Variants in ACCSL observed in about 807,000 individuals in gnomAD.
ACCSL encodes 1-aminocyclopropane-1-carboxylate synthase homolog (inactive) like.
Under a neutral mutation model 61.7 loss-of-function variants are expected in ACCSL, and 55 were observed. The ratio of observed to expected loss-of-function variants is 0.89; its 90% CI spans 0.72 to 1.12. The LOEUF is 1.12. Ranked by LOEUF, ACCSL falls within the 50% of genes most tolerant of loss-of-function variation. ACCSL has a pLI of 0.00. For synonymous variants in ACCSL, 258 were observed against 264.3 expected (o/e 0.98, Z 0.23); for missense variants, 632 against 698.0 (o/e 0.91, Z 1.07).
At chr11:43,961,733 C>G in the ACCSL span, among the ~76,000 whole-genome samples, 6 of 151,036 alleles carry the variant, frequency 4.0e-5, no homozygotes, top group African/African-American at 9.7e-5. Flanking sequence ...TTCTCTCTCT[C>G]TCTCCTCTCT....
At chr11:44,026,326 T>A in the ACCSL span, among the ~76,000 whole-genome samples, 1 of 152,208 alleles carries the variant, frequency 6.6e-6, no homozygotes, top group Non-Finnish European at 1.5e-5. Context: ...TCTAATACAC[T>A]GTTCAGTTCA....
chr11:43,988,267 C>A, the ACCSL span, among the ~76,000 whole-genome samples: 2 of 152,308 alleles, frequency 1.3e-5, no homozygotes, highest in South Asian at 4.1e-4. Flanking sequence ...AGTGCCCACA[C>A]CACTCTCCCT....
intron 6 of ACCSL, 111 bp from the exon 7 acceptor site, chr11:44,052,880 G>T: frequency 7.0e-7 from 1 of 1,434,016 alleles, no homozygotes; most frequent in Admixed American, 1.7e-5. Flanking sequence ...GGTGGAGAAG[G>T]CATGTGGACT....
the ACCSL span, among the ~76,000 whole-genome samples, chr11:44,016,142 G>GAT: frequency 6.6e-6 from 1 of 152,070 alleles, no homozygotes; most frequent in Non-Finnish European, 1.5e-5. Flanking sequence ...TTTGTGCCTT[G>GAT]ATAAAGCCAG....
At position 44,052,724 on chromosome 11, in the gene ACCSL, A is replaced by G. The variant is rs1450274313; in HGVS notation, c.835A>G (p.Lys279Glu). 3 of 1,614,044 alleles carry G rather than the reference A, an allele frequency of 1.9e-6. No individual in the cohort carries two copies. The highest frequency in any genetic ancestry group is 3.3e-5 in the Admixed American group (2 of 60,004). The change falls in exon 6 of 14, where the codon AAG (lysine) becomes GAG (glutamate). Residue 279 changes from lysine (K) to glutamate (E), a missense_variant. Physicochemically the swap from Lys to Glu is moderately conservative, Grantham distance 56. Transcript: ENST00000378832. ...TGCCTTTAGCTCCCGCCTGTATGCA[A>G]AGGTTGAGTTGATTCCTGTCCACCT... ...GFAFSSRLYA[K>E]VELIPVHLES...
the ACCSL span, among the ~76,000 whole-genome samples, chr11:43,981,330 A>G: frequency 1.3e-5 from 2 of 152,108 alleles, no homozygotes; most frequent in Admixed American, 1.3e-4. Context: ...ACTTCCCTGG[A>G]CACTGGGGCT....
chr11:43,921,688 C>T, the ACCSL span, among the ~76,000 whole-genome samples: 1 of 152,178 alleles, frequency 6.6e-6, no homozygotes, highest in African/African-American at 2.4e-5. Context: ...ATGATCTCCC[C>T]GTGTGGCAGC....
intron 11 of ACCSL, among the ~76,000 whole-genome samples, chr11:44,057,597 G>A (rs74413000): frequency 0.1 from 15,488 of 152,264 alleles, 907 homozygotes; most frequent in Middle Eastern, 0.14. Flanking sequence ...AATGCAGAGG[G>A]CAACTGGCCA....
At chr11:44,027,271 G>A in the ACCSL span, among the ~76,000 whole-genome samples, 8 of 152,226 alleles carry the variant, frequency 5.3e-5, no homozygotes, top group Non-Finnish European at 1.2e-4. Context: ...AGCCAGAGGA[G>A]AGAGATGTGG....
At chr11:44,050,260 C>T (rs896412584) in intron 2 of ACCSL, 139 bp downstream of exon 2, 6 of 760,678 alleles carry the variant, frequency 7.9e-6, no homozygotes, top group East Asian at 5.1e-5. Context: ...TAGAATAGCA[C>T]ATTTAACCTC....
At chr11:43,936,886 C>A in the ACCSL span, among the ~76,000 whole-genome samples, 14 of 152,222 alleles carry the variant, frequency 9.2e-5, no homozygotes, top group South Asian at 1.0e-3. Context: ...CCCCACCCCC[C>A]CCTCCTGCCC....
At chr11:44,005,067 C>T in the ACCSL span, among the ~76,000 whole-genome samples, 1 of 146,484 alleles carries the variant, frequency 6.8e-6, no homozygotes, top group Non-Finnish European at 1.5e-5. Flanking sequence ...ACCCCTTCTC[C>T]CCCGTGCCAG....
At chr11:44,010,209 A>G in the ACCSL span, among the ~76,000 whole-genome samples, 1 of 152,012 alleles carries the variant, frequency 6.6e-6, no homozygotes, top group Non-Finnish European at 1.5e-5. Flanking sequence ...GCATGGTGGC[A>G]CATGCCTGTA....
chr11:44,058,336 C>T lies in ACCSL; in HGVS notation c.1347C>T (p.Tyr449=), dbSNP rs1010746948. ...LQNTEWIDKV[Y]LPTNCYRLRE... is the part of the protein sequence containing the mutation. ...ATCCAGAATGGATTGACAAAGTATA[C>T]CTACCCACCAATTGCTACCGGCTCC... The change falls in exon 12 of 14, where the codon TAC becomes TAT. Residue 449 remains tyrosine (Y), a synonymous_variant. Coordinates refer to ENST00000378832, the MANE Select transcript of ACCSL (RefSeq NM_001031854.2). 2 of 1,614,164 alleles carry T rather than the reference C, an allele frequency of 1.2e-6. No individual in the cohort carries two copies. The highest frequency in any genetic ancestry group is 1.7e-6 in the Non-Finnish European group (2 of 1,180,044).
At chr11:44,032,617 C>G in the ACCSL span, among the ~76,000 whole-genome samples, 1 of 152,140 alleles carries the variant, frequency 6.6e-6, no homozygotes, top group Non-Finnish European at 1.5e-5. Flanking sequence ...ACTCCTAGCT[C>G]TGGGAAAACA....
chr11:43,979,048 G>T, the ACCSL span, among the ~76,000 whole-genome samples: 1 of 152,130 alleles, frequency 6.6e-6, no homozygotes, highest in African/African-American at 2.4e-5. Flanking sequence ...TGGGTAAGGG[G>T]TCAGAGAGGT....
At chr11:44,011,732 G>A in the ACCSL span, among the ~76,000 whole-genome samples, 1 of 152,186 alleles carries the variant, frequency 6.6e-6, no homozygotes, top group African/African-American at 2.4e-5. Flanking sequence ...TCTGTTCAGA[G>A]CTCACATATG....
chr11:43,991,723 G>C, the ACCSL span, among the ~76,000 whole-genome samples: 39 of 152,260 alleles, frequency 2.6e-4, no homozygotes, highest in East Asian at 7.4e-3. Context: ...GAACCCAGGA[G>C]GCAAAGGCTG....
chr11:43,928,443 C>T, the ACCSL span, among the ~76,000 whole-genome samples: 1 of 152,200 alleles, frequency 6.6e-6, no homozygotes, highest in South Asian at 2.1e-4. Context: ...GAGACCTTGG[C>T]TTACCTCCAT....
Sources: allele counts gnomAD v4.1 joint callset (sites outside exome capture counted in the v4.1 genomes callset), GRCh38; gene constraint gnomAD v4.1.1; transcripts MANE v1.5; gene names NCBI Gene and HGNC (gene_info 2026-07-23, HGNC 2026-07-21).